The following SLC6A7 variants were observed in gnomAD, a reference collection of about 807,000 sequenced individuals.
The protein encoded by SLC6A7 is sodium-dependent proline transporter.
A neutral mutation model predicts 73.1 loss-of-function variants in SLC6A7; 58 were observed. The observed-to-expected ratio is 0.79, with a 90% CI of 0.64 to 0.99. SLC6A7 has a LOEUF of 0.99. Among genes scored for constraint, SLC6A7 ranks in the 50% least tolerant of loss-of-function variants. The pLI is 0.00. For synonymous variants in SLC6A7, 338 were observed against 338.7 expected, an observed-to-expected ratio of 1.00 and a Z score of 0.02; for missense variants, 783 against 831.4, an observed-to-expected ratio of 0.94 and a Z score of 0.72.
chr5:150,193,775 A>G (rs529631987), intron 1 of SLC6A7, among the ~76,000 whole-genome samples: 9 of 152,230 alleles, frequency 5.9e-5, no homozygotes, highest in African/African-American at 2.2e-4. Context: ...GACATGCTCC[A>G]TATTGTCTGC....
intron 1 of SLC6A7, among the ~76,000 whole-genome samples, 157 bp downstream of exon 1, chr5:150,190,517 G>T (rs1752729014): frequency 6.6e-6 from 1 of 152,168 alleles, no homozygotes. Context: ...GAGGGTCAGG[G>T]TCACGGTCTG....
chr5:150,204,777 G>A (rs368029579), intron 11 of SLC6A7, 50 bp from the exon 12 acceptor site: 89 of 1,436,888 alleles, frequency 6.2e-5, no homozygotes, highest in South Asian at 2.9e-4. Context: ...GGCTGCTGGC[G>A]TTTGTGGGGC....
At chr5:150,204,791 C>A (rs143554140) in intron 11 of SLC6A7, 36 bp from the exon 12 acceptor site, 2 of 1,469,918 alleles carry the variant, frequency 1.4e-6, no homozygotes, top group Non-Finnish European at 1.9e-6. Flanking sequence ...GTGGGGCCGG[C>A]GGGTGGGGCC....
At chr5:150,198,811 GGTGTGTGT>G (rs774414750) in intron 4 of SLC6A7, among the ~76,000 whole-genome samples, 3,034 of 111,972 alleles carry the variant, frequency 0.027, 123 homozygotes, top group African/African-American at 0.091. Flanking sequence ...GGCCCTGGAT[GGTGTGTGT>G]GTGTGTGTGT....
chr5:150,198,107 GAAA>G (rs765115861), intron 4 of SLC6A7, among the ~76,000 whole-genome samples: 2,714 of 101,454 alleles, frequency 0.027, 80 homozygotes, highest in African/African-American at 0.059. Context: ...AAGAAAGAAA[GAAA>G]GAAAGAGAAA....
chr5:150,209,245 C>G (rs1266077696), intron 13 of SLC6A7, among the ~76,000 whole-genome samples, 161 bp from the exon 14 acceptor site: 3 of 152,254 alleles, frequency 2.0e-5, no homozygotes, highest in African/African-American at 4.8e-5. Flanking sequence ...GTGGATCCCT[C>G]CCCTGGGGAA....
At chr5:150,196,932 C>T (rs917861517) in intron 3 of SLC6A7, 85 bp downstream of exon 3, 3 of 1,539,884 alleles carry the variant, frequency 1.9e-6, no homozygotes, top group Admixed American at 1.8e-5. Context: ...CTGCCAGCTC[C>T]AGGCAGAGGT....
chr5:150,193,387 A>T (rs529704683), intron 1 of SLC6A7, among the ~76,000 whole-genome samples: 4 of 152,310 alleles, frequency 2.6e-5, no homozygotes, highest in African/African-American at 9.6e-5. Context: ...ACTTTCTGAC[A>T]CAGATCACGG....
At chr5:150,191,632 G>A (rs531049722) in intron 1 of SLC6A7, among the ~76,000 whole-genome samples, 136 of 152,122 alleles carry the variant, frequency 8.9e-4, no homozygotes, top group Middle Eastern at 3.4e-3. Flanking sequence ...GGGTTTCACC[G>A]TGTTAGCCAG....
At chr5:150,204,486 G>T in intron 10 of SLC6A7, 46 bp from the exon 11 acceptor site, 1 of 1,435,552 alleles carries the variant, frequency 7.0e-7, no homozygotes, top group South Asian at 1.1e-5. Flanking sequence ...CTGTAGCAGA[G>T]AACGAGGCCC....
In SLC6A7 at chr5:150,207,709, A is replaced by G. The variant is rs1437454403; in HGVS notation, c.1702-1697A>G. ...CACCTGTGTGACCTTGGCCAACTTA[A>G]CTGATCTCTCTGAGCTTTAATACTC... On this transcript the variant is annotated intron_variant, in intron 13 of 13. Transcript: ENST00000230671. Among the ~76,000 whole-genome samples the G allele has an allele frequency of 3.9e-5, 6 of 152,304 alleles. No individual in the cohort carries two copies. The East Asian group carries it at 1.2e-3, about 29-fold the overall frequency.
At chr5:150,202,323 C>G in intron 6 of SLC6A7, 24 bp from the exon 7 acceptor site, 1 of 1,531,000 alleles carries the variant, frequency 6.5e-7, no homozygotes, top group Non-Finnish European at 9.1e-7. Context: ...CGCACACCCT[C>G]CCTTTCCATC....
At position 150,202,387 on chromosome 5, in the gene SLC6A7, G is replaced by A. The variant is rs1753427131; in HGVS notation, c.899G>A (p.Gly300Asp). ...EAALQIFYSLGVGFGGLLTFA... is the reference protein window; with the variant it reads ...EAALQIFYSLDVGFGGLLTFA... ...GCTCTTCAGATCTTCTATTCCCTGG[G>A]TGTGGGCTTCGGGGGGCTCCTCACC... The change falls in exon 7 of 14, where the codon GGT (glycine) becomes GAT (aspartate). Residue 300 changes from glycine to aspartate, a missense_variant. Coordinates refer to ENST00000230671, the MANE Select transcript of SLC6A7 (RefSeq NM_014228.5). The A allele has an allele frequency of 6.2e-7, 1 of 1,614,070 alleles. No homozygotes were observed. Among genetic ancestry groups the A allele is most frequent in the Non-Finnish European group, 8.5e-7 (1 of 1,180,022 alleles).
At chr5:150,198,824 G>GTT (rs55696771) in intron 4 of SLC6A7, among the ~76,000 whole-genome samples, 6,544 of 145,082 alleles carry the variant, frequency 0.045, 181 homozygotes, top group Non-Finnish European at 0.057. Context: ...GTGTGTGTGT[G>GTT]TGTGTGTGTG....
chr5:150,202,543 A>G (rs763886092), intron 7 of SLC6A7, 36 bp from the exon 8 acceptor site: 2 of 1,611,778 alleles, frequency 1.2e-6, no homozygotes, highest in South Asian at 1.1e-5. Context: ...AGGAAGGCCC[A>G]CTCACCCTGG....
chr5:150,202,695 C>A lies in SLC6A7; in HGVS notation c.1079C>A (p.Ala360Asp). ...QELGVPVDQV[A>D]KAGPGLAFVV... Reference sequence around the variant, plus strand: ...CTGGGCGTGCCTGTGGACCAAGTAGCCAAAGCAGGTGGGCAGGCTGCCAGG... The same window carrying A: ...CTGGGCGTGCCTGTGGACCAAGTAGACAAAGCAGGTGGGCAGGCTGCCAGG... The change falls in exon 8 of 14, where the codon GCC (alanine) becomes GAC (aspartate). Residue 360 changes from alanine to aspartate, a missense_variant. Transcript: ENST00000230671. The A allele has an allele frequency of 2.5e-6, 4 of 1,614,048 alleles. No homozygotes were observed. The Middle Eastern group carries it at 5.0e-4, about 200-fold the overall frequency.
intron 2 of SLC6A7, among the ~76,000 whole-genome samples, chr5:150,195,679 G>A (rs574237780): frequency 5.9e-5 from 9 of 152,292 alleles, no homozygotes; most frequent in South Asian, 4.1e-4. Flanking sequence ...ACCAGTACTC[G>A]TATCTCCTTC....
intron 1 of SLC6A7, among the ~76,000 whole-genome samples, chr5:150,193,159 CATA>C (rs1434260841): frequency 6.6e-6 from 1 of 152,212 alleles, no homozygotes; most frequent in Non-Finnish European, 1.5e-5. Context: ...CATCGTCACC[CATA>C]ATAATGTCTG....
chr5:150,206,140 G>A (rs1221757122), intron 13 of SLC6A7, among the ~76,000 whole-genome samples: 3 of 152,206 alleles, frequency 2.0e-5, no homozygotes, highest in Non-Finnish European at 4.4e-5. Flanking sequence ...TTGGAAGAGA[G>A]GAGTAGTGAC....
Sources: allele counts gnomAD v4.1 joint callset (sites outside exome capture counted in the v4.1 genomes callset), GRCh38; gene constraint gnomAD v4.1.1; transcripts MANE v1.5; gene names NCBI Gene and HGNC (gene_info 2026-07-23, HGNC 2026-07-21).